ARHGAP24: variants seen among roughly 807,000 people sequenced by gnomAD.
The protein encoded by ARHGAP24 is Rho GTPase activating protein 24, also known as rho GTPase-activating protein 24.
ARHGAP24 carries 50 observed loss-of-function variants against 76.4 expected under a neutral mutation model. The observed-to-expected ratio is 0.65, with a 90% CI of 0.52 to 0.83. ARHGAP24 has a LOEUF of 0.83. Among genes scored for constraint, ARHGAP24 ranks in the 40% least tolerant of loss-of-function variants. The pLI is 0.00. For missense variants in ARHGAP24, 930 were observed against 914.2 expected, an observed-to-expected ratio of 1.02 and a Z score of -0.22; for synonymous variants, 345 against 323.3, an observed-to-expected ratio of 1.07 and a Z score of -0.72.
At chr4:85,923,917 G>GT in intron 4 of ARHGAP24, 147 bp downstream of exon 4, 1 of 1,168,432 alleles carries the variant, frequency 8.6e-7, no homozygotes. Flanking sequence ...ATTGTTAGAC[G>GT]TATGTCTTCG....
At chr4:85,839,097 A>G (rs1270402967) in intron 3 of ARHGAP24, among the ~76,000 whole-genome samples, 1 of 152,232 alleles carries the variant, frequency 6.6e-6, no homozygotes, top group East Asian at 1.9e-4. Context: ...AAACACAACA[A>G]TTACAATGAA....
intron 1 of ARHGAP24, among the ~76,000 whole-genome samples, chr4:85,532,393 A>G (rs903495452): frequency 4.6e-5 from 7 of 152,140 alleles, no homozygotes; most frequent in Admixed American, 3.3e-4. Flanking sequence ...ATTAACACAA[A>G]TACTCATAGT....
chr4:85,957,959 C>G (rs1738019732), intron 5 of ARHGAP24, among the ~76,000 whole-genome samples: 1 of 152,168 alleles, frequency 6.6e-6, no homozygotes, highest in Admixed American at 6.5e-5. Flanking sequence ...TTCAATTTAT[C>G]TTTGCAGAAT....
chr4:85,573,142 G>A (rs1056576807), intron 2 of ARHGAP24, among the ~76,000 whole-genome samples: 2 of 152,074 alleles, frequency 1.3e-5, no homozygotes, highest in African/African-American at 4.8e-5. Flanking sequence ...CTCCCAAAGT[G>A]CTAGGATTAC....
chr4:85,936,515 A>G (rs1266378701), intron 4 of ARHGAP24, among the ~76,000 whole-genome samples: 3 of 152,058 alleles, frequency 2.0e-5, no homozygotes, highest in Non-Finnish European at 4.4e-5. Context: ...AACCTCTCCG[A>G]AGCTCATAGG....
intron 2 of ARHGAP24, among the ~76,000 whole-genome samples, chr4:85,620,125 C>T (rs57572817): frequency 0.33 from 49,949 of 151,554 alleles, 9,273 homozygotes; most frequent in East Asian, 0.84. Flanking sequence ...TTATTCTTTA[C>T]GTGTATCCTT....
At chr4:85,743,572 A>G (rs1725913358) in intron 3 of ARHGAP24, among the ~76,000 whole-genome samples, 1 of 152,114 alleles carries the variant, frequency 6.6e-6, no homozygotes, top group South Asian at 2.1e-4. Context: ...TGTCTCAAAA[A>G]CAAAACAAAA....
At chr4:85,610,969 T>C (rs1720361564) in intron 2 of ARHGAP24, among the ~76,000 whole-genome samples, 1 of 152,124 alleles carries the variant, frequency 6.6e-6, no homozygotes, top group Non-Finnish European at 1.5e-5. Flanking sequence ...CTAAAAATCA[T>C]GATCATAATA....
At chr4:85,476,448 A>G (rs188746600) in intron 1 of ARHGAP24, among the ~76,000 whole-genome samples, 1,713 of 151,970 alleles carry the variant, frequency 0.011, 39 homozygotes, top group African/African-American at 0.039. Context: ...CTTCCACGGC[A>G]TCATTGTTTC....
intron 2 of ARHGAP24, among the ~76,000 whole-genome samples, chr4:85,720,622 A>C (rs1037642029): frequency 6.6e-6 from 1 of 152,236 alleles, no homozygotes; most frequent in African/African-American, 2.4e-5. Flanking sequence ...ATTGGCTTAC[A>C]GTTGGTTATT....
At chr4:85,688,582 C>A (rs2110015872) in intron 2 of ARHGAP24, among the ~76,000 whole-genome samples, 1 of 152,178 alleles carries the variant, frequency 6.6e-6, no homozygotes, top group Non-Finnish European at 1.5e-5. Context: ...TGTTTAGGTC[C>A]TACTTGTCAA....
intron 2 of ARHGAP24, among the ~76,000 whole-genome samples, chr4:85,602,984 A>C (rs747177231): frequency 6.6e-6 from 1 of 152,326 alleles, no homozygotes; most frequent in Middle Eastern, 3.4e-3. Context: ...GGATTATTTT[A>C]TCTTTCAAGC....
chr4:85,939,362 C>A (rs527759168), intron 4 of ARHGAP24, among the ~76,000 whole-genome samples: 1 of 152,096 alleles, frequency 6.6e-6, no homozygotes, highest in Non-Finnish European at 1.5e-5. Flanking sequence ...CAGGAATAAG[C>A]AAAGATTTTA....
chr4:85,885,183 C>G (rs1276943343), intron 3 of ARHGAP24, among the ~76,000 whole-genome samples: 1 of 152,088 alleles, frequency 6.6e-6, no homozygotes, highest in African/African-American at 2.4e-5. Flanking sequence ...ATTCATTACG[C>G]TTCCTTTATG....
intron 3 of ARHGAP24, among the ~76,000 whole-genome samples, chr4:85,821,353 T>C (rs916649208): frequency 6.6e-6 from 1 of 152,190 alleles, no homozygotes; most frequent in African/African-American, 2.4e-5. Flanking sequence ...TAACATATAA[T>C]CCATAAGACA....
intron 2 of ARHGAP24, among the ~76,000 whole-genome samples, chr4:85,719,143 A>C (rs977736964): frequency 6.6e-6 from 1 of 152,216 alleles, no homozygotes; most frequent in Non-Finnish European, 1.5e-5. Context: ...AATTATTTTT[A>C]CCACATTATG....
chr4:85,550,973 C>T (rs1726111555), intron 1 of ARHGAP24, among the ~76,000 whole-genome samples: 1 of 151,664 alleles, frequency 6.6e-6, no homozygotes, highest in Non-Finnish European at 1.5e-5. Context: ...ATATCATCTG[C>T]AAACAGCAAT....
At chr4:85,519,202 GA>G (rs766723885) in intron 1 of ARHGAP24, among the ~76,000 whole-genome samples, 7 of 152,112 alleles carry the variant, frequency 4.6e-5, no homozygotes, top group Non-Finnish European at 1.0e-4. Context: ...ATGACCTTGG[GA>G]ATAATGATCA....
Position 85,942,214 on chromosome 4 carries a change from T to C in ARHGAP24, c.540T>C (p.Ala180=), listed in dbSNP as rs1337977717. Residue 180 remains alanine (A), a synonymous_variant, in exon 5 of 10, where the codon GCT becomes GCC. Coordinates refer to ENST00000395184, the MANE Select transcript of ARHGAP24 (RefSeq NM_001025616.3). ...GTCTCTTTCGACTGCCAGGCCAGGC[T>C]AATCTTGTTAAGGAGCTCCAAGATG... ...EEGLFRLPGQ[A]NLVKELQDAF... 1.2e-6 allele frequency: 2 copies of C among 1,614,018 alleles called. No individual in the cohort carries two copies. Among genetic ancestry groups the C allele is most frequent in the Non-Finnish European group, 1.7e-6 (2 of 1,180,018 alleles).
Sources: allele counts gnomAD v4.1 joint callset (sites outside exome capture counted in the v4.1 genomes callset), GRCh38; gene constraint gnomAD v4.1.1; transcripts MANE v1.5; gene names NCBI Gene and HGNC (gene_info 2026-07-23, HGNC 2026-07-21).